ARHGEF6: variants seen among roughly 807,000 people sequenced by gnomAD.
ARHGEF6 encodes the protein Rac/Cdc42 guanine nucleotide exchange factor 6.
ARHGEF6 carries 9 observed loss-of-function variants against 70.3 expected under a neutral mutation model. That is an observed-to-expected ratio of 0.13 (90% CI 0.08 to 0.22). The LOEUF (loss-of-function observed/expected upper bound fraction) is 0.22, where lower values mean the gene tolerates loss of function less well. Among genes scored for constraint, ARHGEF6 ranks in the 10% least tolerant of loss-of-function variants. The pLI, the probability that ARHGEF6 is intolerant of heterozygous loss-of-function variation, is 1.00. For missense variants in ARHGEF6, 470 were observed against 563.0 expected, an observed-to-expected ratio of 0.83 and a Z score of 1.67; for synonymous variants, 201 against 207.8, an observed-to-expected ratio of 0.97 and a Z score of 0.28.
intron 5 of ARHGEF6, among the ~76,000 whole-genome samples, chrX:136,741,462 C>A (rs1339918826): frequency 2.7e-5 from 3 of 110,766 alleles, no homozygotes; most frequent in African/African-American, 9.8e-5. Flanking sequence ...GGCTTCCAAC[C>A]AACAGTAGGC....
intron 19 of ARHGEF6, among the ~76,000 whole-genome samples, chrX:136,673,053 A>G: frequency 8.9e-6 from 1 of 112,516 alleles, no homozygotes; most frequent in African/African-American, 3.2e-5. Flanking sequence ...GTGCATTGAA[A>G]ATGTTCAGAA....
chrX:136,683,422 G>A (rs972879607), intron 12 of ARHGEF6, among the ~76,000 whole-genome samples: 6 of 110,809 alleles, frequency 5.4e-5, no homozygotes, highest in Non-Finnish European at 9.5e-5. Context: ...GCAATGGCAC[G>A]ATCTCGGCTC....
chrX:136,678,675 A>G (rs984538660), intron 16 of ARHGEF6, among the ~76,000 whole-genome samples: 1 of 111,792 alleles, frequency 8.9e-6, no homozygotes, highest in Non-Finnish European at 1.9e-5. Flanking sequence ...AATTGAGCTA[A>G]GTCTGCATCA....
At chrX:136,670,220 G>A (rs2076209731) in intron 20 of ARHGEF6, among the ~76,000 whole-genome samples, 2 of 111,784 alleles carry the variant, frequency 1.8e-5, no homozygotes, top group Admixed American at 1.9e-4. Flanking sequence ...CAATGTAAAT[G>A]CTATGCAAAT....
At chrX:136,768,045 G>A (rs2077335266) in intron 2 of ARHGEF6, among the ~76,000 whole-genome samples, 1 of 111,356 alleles carries the variant, frequency 9.0e-6, no homozygotes, top group East Asian at 2.8e-4. Flanking sequence ...CCTTTCTGGT[G>A]GCCTGCTTCC....
chrX:136,676,440 G>A (rs750573732), intron 18 of ARHGEF6, among the ~76,000 whole-genome samples, 184 bp downstream of exon 18: 2 of 112,453 alleles, frequency 1.8e-5, no homozygotes, highest in African/African-American at 3.2e-5. Flanking sequence ...AAGTGCAGCC[G>A]TAAGAAGCTT....
At chrX:136,720,358 C>T (rs1182359890) in intron 6 of ARHGEF6, among the ~76,000 whole-genome samples, 1 of 111,684 alleles carries the variant, frequency 9.0e-6, no homozygotes, top group African/African-American at 3.3e-5. Flanking sequence ...TGTAATCTAT[C>T]ACATCAACAG....
chrX:136,732,238 G>A, intron 5 of ARHGEF6, 66 bp from the exon 6 acceptor site: 1 of 832,168 alleles, frequency 1.2e-6, no homozygotes, highest in Non-Finnish European at 1.8e-6. Flanking sequence ...TTATAACATG[G>A]GTCAACTAAC....
At chrX:136,748,912 C>T (rs1354765508) in intron 2 of ARHGEF6, among the ~76,000 whole-genome samples, 2 of 111,449 alleles carry the variant, frequency 1.8e-5, no homozygotes, top group Admixed American at 1.9e-4. Flanking sequence ...CAATTTTTCA[C>T]GTTTTGGGGG....
At chrX:136,772,357 T>C (rs1186525397) in intron 2 of ARHGEF6, among the ~76,000 whole-genome samples, 3 of 112,138 alleles carry the variant, frequency 2.7e-5, no homozygotes, top group Non-Finnish European at 3.8e-5. Flanking sequence ...AGGGTGACTA[T>C]AGTCAATAAT....
chrX:136,767,995 G>A (rs1323110818), intron 2 of ARHGEF6, among the ~76,000 whole-genome samples: 1 of 112,324 alleles, frequency 8.9e-6, no homozygotes, highest in Non-Finnish European at 1.9e-5. Flanking sequence ...GCGGGTCACT[G>A]CCAGAGCTTC....
intron 18 of ARHGEF6, 41 bp from the exon 19 acceptor site, chrX:136,675,137 C>T (rs767515682): frequency 2.2e-4 from 240 of 1,086,880 alleles, no homozygotes; most frequent in Middle Eastern, 1.2e-3. Flanking sequence ...TAGATATATG[C>T]TTTTGGACCC....
Position 136,668,062 on chromosome X carries a change from G to A in ARHGEF6, c.2298C>T (p.Gly766=), listed in dbSNP as rs1603325366. The A allele has an allele frequency of 1.7e-6, 2 of 1,211,737 alleles. No homozygotes were observed. The highest frequency in any genetic ancestry group is 1.7e-5 in the African/African-American group (1 of 57,796). Residue 766 remains glycine (G), a synonymous_variant, in exon 22 of 22, where the codon GGC becomes GGT. Transcript: ENST00000250617. ...GAATTGAGGTCTTGCTACTGGACTCGCCTCGAATACACTCATCTGTTTGCT... is the reference window on the plus strand; with the variant it reads ...GAATTGAGGTCTTGCTACTGGACTCACCTCGAATACACTCATCTGTTTGCT... ...LLKQTDECIR[G]ESSSKTSILP is the part of the protein sequence containing the mutation.
rs2076651164 is a variant in ARHGEF6, at chrX:136,708,568, C to A, written c.923+107G>T. 4 of 660,011 alleles carry A rather than the reference C, an allele frequency of 6.1e-6. No individual in the cohort carries two copies. The East Asian group carries it at 1.1e-4, about 18-fold the overall frequency. The allele number at this position is 660,011 out of a possible 1,213,427, so 54.4% of individuals were successfully genotyped here. On this transcript the variant is annotated intron_variant, in intron 8 of 21. Coordinates refer to ENST00000250617, the MANE Select transcript of ARHGEF6 (RefSeq NM_004840.3). ...ATTGCTACTTTGTTCAGAGCTGTAA[C>A]AAATACTTAACTATGAAGTGTCCTT...
rs368050862 is a variant in ARHGEF6 at position 136,745,210 on chromosome X, G to A, written c.459+13C>T. 8.3e-7 allele frequency: 1 copy of A among 1,209,454 alleles called. No individual in the cohort carries two copies. Among genetic ancestry groups the A allele is most frequent in the African/African-American group, 1.7e-5 (1 of 57,194 alleles). ...GATTTTAAAACAGACGGAGAATTGG[G>A]GACTATACTTACCACTGTCTTTGAC... On this transcript the variant is annotated intron_variant, in intron 4 of 21. Transcript: ENST00000250617.
chrX:136,675,597 G>A (rs2076273493), intron 18 of ARHGEF6, among the ~76,000 whole-genome samples: 1 of 109,966 alleles, frequency 9.1e-6, no homozygotes, highest in Non-Finnish European at 1.9e-5. Context: ...CTCACTGCAA[G>A]CTCCGCCTCC....
chrX:136,694,332 C>T (rs1025262551), intron 9 of ARHGEF6, among the ~76,000 whole-genome samples: 8 of 112,188 alleles, frequency 7.1e-5, no homozygotes, highest in Admixed American at 1.9e-4. Flanking sequence ...GGATTACAGG[C>T]GTGAGCCACC....
At chrX:136,758,199 T>C (rs1174649493) in intron 2 of ARHGEF6, among the ~76,000 whole-genome samples, 7 of 106,149 alleles carry the variant, frequency 6.6e-5, no homozygotes, top group Non-Finnish European at 9.7e-5. Context: ...TACAGGCACG[T>C]GCCACCACGC....
chrX:136,746,265 G>T (rs907311710), intron 3 of ARHGEF6, among the ~76,000 whole-genome samples: 1 of 112,019 alleles, frequency 8.9e-6, no homozygotes, highest in Non-Finnish European at 1.9e-5. Context: ...AGAATTACAC[G>T]ATCCTCCCTG....
Sources: allele counts gnomAD v4.1 joint callset (sites outside exome capture counted in the v4.1 genomes callset), GRCh38; gene constraint gnomAD v4.1.1; transcripts MANE v1.5; gene names NCBI Gene and HGNC (gene_info 2026-07-23, HGNC 2026-07-21).